CTTNBP2: variants seen among roughly 807,000 people sequenced by gnomAD.
CTTNBP2 encodes cortactin-binding protein 2.
CTTNBP2 carries 108 observed loss-of-function variants against 156.9 expected under a neutral mutation model. That is an observed-to-expected ratio of 0.69 (90% CI 0.59 to 0.81). CTTNBP2 has a LOEUF of 0.81. Ranked by LOEUF, CTTNBP2 falls within the 30% of genes least tolerant of loss-of-function variation. The pLI is 0.00. For synonymous variants in CTTNBP2, 767 were observed against 751.8 expected, an observed-to-expected ratio of 1.02 and a Z score of -0.33; for missense variants, 1,924 against 2,035.4, an observed-to-expected ratio of 0.95 and a Z score of 1.05.
At chr7:117,785,631 A>G (rs1798666312) in intron 4 of CTTNBP2, among the ~76,000 whole-genome samples, 1 of 152,352 alleles carries the variant, frequency 6.6e-6, no homozygotes, top group East Asian at 1.9e-4. Context: ...TATGCACAAT[A>G]CATCTCATTG....
At chr7:117,818,207 ATTAT>A (rs1800735581) in intron 2 of CTTNBP2, among the ~76,000 whole-genome samples, 1 of 152,234 alleles carries the variant, frequency 6.6e-6, no homozygotes, top group Non-Finnish European at 1.5e-5. Context: ...CACAGAATAT[ATTAT>A]TTAAGTATAA....
intron 17 of CTTNBP2, among the ~76,000 whole-genome samples, chr7:117,725,630 G>GTT (rs1290155092): frequency 1.3e-5 from 2 of 152,154 alleles, no homozygotes; most frequent in Admixed American, 1.3e-4. Flanking sequence ...CAACTTCTTT[G>GTT]TTACATCTCC....
At chr7:117,727,958 A>G in intron 17 of CTTNBP2, 131 bp downstream of exon 17, 1 of 773,508 alleles carries the variant, frequency 1.3e-6, no homozygotes, top group South Asian at 1.8e-5. Flanking sequence ...CTGAAAGAGC[A>G]GAGAGCACTG....
At chr7:117,787,128 T>C (rs1380637696) in intron 4 of CTTNBP2, among the ~76,000 whole-genome samples, 1 of 152,218 alleles carries the variant, frequency 6.6e-6, no homozygotes, top group Non-Finnish European at 1.5e-5. Flanking sequence ...AAAATAGGAC[T>C]TCATCATGAG....
At chr7:117,849,738 C>G (rs1205145390) in intron 2 of CTTNBP2, among the ~76,000 whole-genome samples, 1 of 152,172 alleles carries the variant, frequency 6.6e-6, no homozygotes, top group Non-Finnish European at 1.5e-5. Flanking sequence ...AAGAATGCCA[C>G]CTCTTCCCAG....
intron 22 of CTTNBP2, among the ~76,000 whole-genome samples, chr7:117,714,514 GAGTT>G (rs1794235998): frequency 6.6e-6 from 1 of 152,114 alleles, no homozygotes; most frequent in South Asian, 2.1e-4. Context: ...CAAATCTACA[GAGTT>G]AATTAATGCC....
chr7:117,861,544 C>T (rs533729823), intron 1 of CTTNBP2, among the ~76,000 whole-genome samples: 1 of 152,116 alleles, frequency 6.6e-6, no homozygotes, highest in South Asian at 2.1e-4. Context: ...AGTTGCCCAG[C>T]CTGCCTGCAC....
At chr7:117,857,614 A>C (rs1241373372) in intron 2 of CTTNBP2, among the ~76,000 whole-genome samples, 1 of 152,214 alleles carries the variant, frequency 6.6e-6, no homozygotes, top group African/African-American at 2.4e-5. Flanking sequence ...AGTTCAGTGT[A>C]CAAATTAGGT....
intron 4 of CTTNBP2, among the ~76,000 whole-genome samples, chr7:117,788,303 T>G (rs1798812789): frequency 6.6e-6 from 1 of 152,220 alleles, no homozygotes; most frequent in Admixed American, 6.5e-5. Flanking sequence ...AAAAAGCTAA[T>G]GGCTCAGAGG....
chr7:117,721,159 G>T (rs1452219807), intron 19 of CTTNBP2, 29 bp from the exon 20 acceptor site: 24 of 1,284,630 alleles, frequency 1.9e-5, no homozygotes, highest in Non-Finnish European at 2.5e-5. Context: ...ATTTTCAATA[G>T]ATCATTATCC....
intron 6 of CTTNBP2, among the ~76,000 whole-genome samples, chr7:117,781,808 TC>T (rs1474612865): frequency 6.6e-6 from 1 of 152,182 alleles, no homozygotes; most frequent in Non-Finnish European, 1.5e-5. Flanking sequence ...TATCCATGCT[TC>T]CATTCCTGTG....
At chr7:117,795,453 C>T (rs959349537) in intron 3 of CTTNBP2, among the ~76,000 whole-genome samples, 1 of 152,122 alleles carries the variant, frequency 6.6e-6, no homozygotes, top group Non-Finnish European at 1.5e-5. Flanking sequence ...TCATCATTTG[C>T]CTCTGAAGGT....
chr7:117,724,505 G>C, intron 19 of CTTNBP2, 42 bp downstream of exon 19: 2 of 1,535,316 alleles, frequency 1.3e-6, no homozygotes, highest in Middle Eastern at 2.2e-4. Flanking sequence ...GATCACGTAT[G>C]TCCACCTCCT....
At chr7:117,823,900 A>C (rs1801121597) in intron 2 of CTTNBP2, among the ~76,000 whole-genome samples, 1 of 149,582 alleles carries the variant, frequency 6.7e-6, no homozygotes, top group East Asian at 2.0e-4. Flanking sequence ...CATGTTGTCC[A>C]GGCTCACCTA....
At chr7:117,819,395 A>T (rs1257579367) in intron 2 of CTTNBP2, among the ~76,000 whole-genome samples, 10 of 151,310 alleles carry the variant, frequency 6.6e-5, no homozygotes, top group African/African-American at 1.7e-4. Flanking sequence ...ACACACACAC[A>T]CACACACACA....
At chr7:117,721,718 T>A (rs1794801478) in intron 19 of CTTNBP2, among the ~76,000 whole-genome samples, 1 of 152,202 alleles carries the variant, frequency 6.6e-6, no homozygotes, top group Admixed American at 6.5e-5. Flanking sequence ...AACTGCAGAT[T>A]ATGACACAGT....
chr7:117,745,307 T>G (rs1296424068), intron 14 of CTTNBP2, among the ~76,000 whole-genome samples: 1 of 152,226 alleles, frequency 6.6e-6, no homozygotes, highest in Non-Finnish European at 1.5e-5. Context: ...AGGGCTGTTG[T>G]GGAGACTGAA....
intron 14 of CTTNBP2, among the ~76,000 whole-genome samples, chr7:117,745,539 AG>A (rs1409625070): frequency 1.4e-4 from 22 of 152,338 alleles, no homozygotes; most frequent in Admixed American, 6.5e-4. Context: ...TAGTCCAGCT[AG>A]GGTGAACTGC....
At chr7:117,713,860 A>ATT (rs1794192578) in intron 22 of CTTNBP2, 1 of 152,228 alleles carries the variant, frequency 6.6e-6, no homozygotes, top group African/African-American at 2.4e-5. Context: ...GGGAAAATAT[A>ATT]AAAACACTGA....
Sources: allele counts gnomAD v4.1 joint callset (sites outside exome capture counted in the v4.1 genomes callset), GRCh38; gene constraint gnomAD v4.1.1; transcripts MANE v1.5; gene names NCBI Gene and HGNC (gene_info 2026-07-23, HGNC 2026-07-21).